Variants in MAGI3 observed in about 807,000 individuals in gnomAD.
MAGI3 encodes the protein membrane associated guanylate kinase, WW and PDZ domain containing 3, also known as membrane-associated guanylate kinase, WW and PDZ domain-containing protein 3.
MAGI3 carries 43 observed loss-of-function variants against 121.8 expected under a neutral mutation model. The ratio of observed to expected loss-of-function variants is 0.35; its 90% confidence interval spans 0.28 to 0.46. MAGI3 has a LOEUF of 0.46. Ranked by LOEUF, MAGI3 falls within the 20% of genes least tolerant of loss-of-function variation. The probability of loss-of-function intolerance (pLI) is 1.00; values close to 1 mark genes in which losing one functional copy is unlikely to be tolerated. For missense variants in MAGI3, 1,547 were observed against 1,797.3 expected, an observed-to-expected ratio of 0.86 and a Z score of 2.52; for synonymous variants, 553 against 639.3, an observed-to-expected ratio of 0.86 and a Z score of 2.04.
At chr1:113,575,003 C>G (rs918284320) in intron 2 of MAGI3, among the ~76,000 whole-genome samples, 1 of 152,110 alleles carries the variant, frequency 6.6e-6, no homozygotes, top group Non-Finnish European at 1.5e-5. Context: ...GTATATACTT[C>G]ATGAAGTTCT....
intron 8 of MAGI3, among the ~76,000 whole-genome samples, chr1:113,621,415 T>C (rs182736430): frequency 3.9e-5 from 6 of 152,130 alleles, no homozygotes; most frequent in Admixed American, 2.6e-4. Context: ...GAAGAGCAAG[T>C]AGAGAGTGAA....
intron 9 of MAGI3, among the ~76,000 whole-genome samples, chr1:113,639,140 C>G (rs1446373740): frequency 6.6e-6 from 1 of 152,216 alleles, no homozygotes; most frequent in African/African-American, 2.4e-5. Flanking sequence ...GTCTGTCACC[C>G]CTTTCTTTGA....
chr1:113,611,357 G>C (rs1650124401), intron 6 of MAGI3, among the ~76,000 whole-genome samples: 1 of 151,902 alleles, frequency 6.6e-6, no homozygotes, highest in Non-Finnish European at 1.5e-5. Context: ...CAAAGTGCTG[G>C]GATTACAGGC....
intron 1 of MAGI3, among the ~76,000 whole-genome samples, chr1:113,517,776 C>T (rs1004556140): frequency 6.6e-6 from 1 of 151,926 alleles, no homozygotes; most frequent in Non-Finnish European, 1.5e-5. Flanking sequence ...CATAACATGT[C>T]AAATTCACTA....
At chr1:113,670,003 CAAAAAAAA>C (rs11302295) in intron 16 of MAGI3, among the ~76,000 whole-genome samples, 2 of 85,242 alleles carry the variant, frequency 2.3e-5, no homozygotes, top group African/African-American at 4.8e-5. Flanking sequence ...TCCAGGTCTC[CAAAAAAAA>C]AAAAAAAAAA....
chr1:113,542,148 C>T (rs1187351009), intron 1 of MAGI3, among the ~76,000 whole-genome samples: 1 of 152,070 alleles, frequency 6.6e-6, no homozygotes, highest in Non-Finnish European at 1.5e-5. Flanking sequence ...CCCAAGACCC[C>T]CCAGTGGATG....
chr1:113,591,668 A>C (rs1215177931), intron 5 of MAGI3, among the ~76,000 whole-genome samples: 1 of 152,178 alleles, frequency 6.6e-6, no homozygotes, highest in Non-Finnish European at 1.5e-5. Flanking sequence ...CAATTATACA[A>C]AGCAGGTACA....
chr1:113,570,062 CCCCAGTGTGTGATGTTGCCCT>C (rs1341794464), intron 2 of MAGI3, among the ~76,000 whole-genome samples: 1 of 152,008 alleles, frequency 6.6e-6, no homozygotes, highest in Non-Finnish European at 1.5e-5. Context: ...CCCCGACAGA[CCCCAGTGTGTGATGTTGCCCT>C]CCCTGTGTCC....
rs1181764625 is a variant in MAGI3, at chr1:113,642,456, G to T, written c.1906G>T (p.Val636Leu). Residue 636 changes from valine (V) to leucine (L), a missense_variant, in exon 10 of 21, where the codon GTA (valine) becomes TTA (leucine). Val to Leu is a conservative substitution (Grantham distance 32). Transcript: ENST00000307546. ...GCAGAATTTAACACATCTCCAAGTGGTAGAGGTGCTAAAGCAGTTTCCAGT... is the reference window on the plus strand; with the variant it reads ...GCAGAATTTAACACATCTCCAAGTGTTAGAGGTGCTAAAGCAGTTTCCAGT... ...NVQNLTHLQV[V>L]EVLKQFPVGA... 1 of 1,614,040 alleles carries T rather than the reference G, an allele frequency of 6.2e-7. No individual in the cohort carries two copies. Among genetic ancestry groups the T allele is most frequent in the Non-Finnish European group, 8.5e-7 (1 of 1,180,014 alleles).
At chr1:113,480,716 G>A (rs897284006) in intron 1 of MAGI3, among the ~76,000 whole-genome samples, 4 of 152,264 alleles carry the variant, frequency 2.6e-5, no homozygotes, top group South Asian at 2.1e-4. Context: ...TCACTGAGGT[G>A]CTATACTTTC....
intron 6 of MAGI3, among the ~76,000 whole-genome samples, chr1:113,601,048 A>C (rs1180804145): frequency 2.0e-5 from 3 of 152,134 alleles, no homozygotes; most frequent in East Asian, 3.8e-4. Context: ...TCCCTTCCTT[A>C]CACCTTATAC....
chr1:113,511,951 T>C (rs1193327613), intron 1 of MAGI3, among the ~76,000 whole-genome samples: 1 of 152,206 alleles, frequency 6.6e-6, no homozygotes, highest in African/African-American at 2.4e-5. Flanking sequence ...TTATGATCTT[T>C]ACCTCTTCCC....
At position 113,622,376 on chromosome 1, in the gene MAGI3, A is replaced by G. The variant is rs867193047; in HGVS notation, c.1172-430A>G. Reference sequence around the variant, plus strand: ...TTTTTTCCTAAATTATCCACTAAACATGAGTGAAAGGGATAGAAATATGAA... The same window carrying G: ...TTTTTTCCTAAATTATCCACTAAACGTGAGTGAAAGGGATAGAAATATGAA... On this transcript the variant is annotated intron_variant, in intron 8 of 20. Transcript: ENST00000307546. 3.9e-5 allele frequency among the ~76,000 whole-genome samples: 6 copies of G among 152,254 alleles called. No individual in the cohort carries two copies. The Middle Eastern group carries it at 0.014, about 348-fold the overall frequency.
At chr1:113,546,213 A>G (rs1011537926) in intron 1 of MAGI3, among the ~76,000 whole-genome samples, 2 of 152,244 alleles carry the variant, frequency 1.3e-5, no homozygotes, top group South Asian at 2.1e-4. Flanking sequence ...GCAAGTCCAT[A>G]GTTAACTTAT....
intron 1 of MAGI3, among the ~76,000 whole-genome samples, chr1:113,533,730 A>G (rs147006078): frequency 1.4e-3 from 209 of 151,980 alleles, no homozygotes; most frequent in African/African-American, 4.8e-3. Context: ...CTTTCATCAC[A>G]GAGTTTTCAT....
At chr1:113,560,079 C>G (rs1336129833) in intron 2 of MAGI3, among the ~76,000 whole-genome samples, 1 of 152,184 alleles carries the variant, frequency 6.6e-6, no homozygotes, top group Non-Finnish European at 1.5e-5. Flanking sequence ...ATACATTCTT[C>G]TCATCACTGC....
At chr1:113,477,320 A>C (rs755034820) in intron 1 of MAGI3, among the ~76,000 whole-genome samples, 1 of 152,106 alleles carries the variant, frequency 6.6e-6, no homozygotes, top group Admixed American at 6.6e-5. Flanking sequence ...TCTTTATAGC[A>C]TCGATGGTCT....
At chr1:113,580,724 G>T in intron 3 of MAGI3, 63 bp downstream of exon 3, 1 of 1,445,386 alleles carries the variant, frequency 6.9e-7, no homozygotes, top group South Asian at 1.6e-5. Flanking sequence ...AATTATTTCA[G>T]AGGGAATTTG....
chr1:113,598,144 G>A (rs1334901663), intron 6 of MAGI3, among the ~76,000 whole-genome samples: 2 of 152,024 alleles, frequency 1.3e-5, no homozygotes, highest in Non-Finnish European at 2.9e-5. Flanking sequence ...CCCAGGAGGT[G>A]GAGGTTGCAG....
Sources: gnomAD v4.1 joint callset for allele counts (sites outside exome capture counted in the v4.1 genomes callset) on GRCh38, gnomAD v4.1.1 for gene constraint, MANE v1.5 for transcripts, NCBI Gene and HGNC (gene_info 2026-07-23, HGNC 2026-07-21) for gene names.